The following METTL25 variants were observed in gnomAD, a reference collection of about 807,000 sequenced individuals.
The protein encoded by METTL25 is methyltransferase like 25.
METTL25 carries 64 observed loss-of-function variants against 71.6 expected under a neutral mutation model. The observed-to-expected ratio is 0.89, with a 90% CI of 0.73 to 1.10. The LOEUF (loss-of-function observed/expected upper bound fraction) is 1.10, where lower values mean the gene tolerates loss of function less well. Among genes scored for constraint, METTL25 ranks in the 50% least tolerant of loss-of-function variants. The probability of loss-of-function intolerance (pLI) is 0.00; values close to 1 mark genes in which losing one functional copy is unlikely to be tolerated. For synonymous variants in METTL25, 287 were observed against 250.3 expected (o/e 1.15, Z -1.38); for missense variants, 807 against 707.0 (o/e 1.14, Z -1.60).
chr12:82,388,274 C>A (rs1434507295), intron 2 of METTL25, among the ~76,000 whole-genome samples: 3 of 151,886 alleles, frequency 2.0e-5, no homozygotes, highest in Non-Finnish European at 2.9e-5. Context: ...TGTAAAAGGA[C>A]CCTTTTATCT....
intron 8 of METTL25, among the ~76,000 whole-genome samples, chr12:82,446,806 G>C (rs1250756405): frequency 1.3e-5 from 2 of 151,216 alleles, no homozygotes; most frequent in African/African-American, 4.9e-5. Context: ...TAGTAGAGAC[G>C]GGGTTTCACT....
At chr12:82,395,847 T>G (rs1014699024) in intron 3 of METTL25, among the ~76,000 whole-genome samples, 2 of 152,052 alleles carry the variant, frequency 1.3e-5, no homozygotes, top group Non-Finnish European at 2.9e-5. Flanking sequence ...TTTCCTATTC[T>G]GATCAGATAG....
chr12:82,427,441 T>TA (rs1250710244), intron 5 of METTL25, among the ~76,000 whole-genome samples: 2 of 151,952 alleles, frequency 1.3e-5, no homozygotes, highest in Non-Finnish European at 2.9e-5. Flanking sequence ...CTTTCCAGTG[T>TA]AGTGTATTTT....
intron 5 of METTL25, among the ~76,000 whole-genome samples, chr12:82,421,210 T>C (rs1021541289): frequency 3.3e-4 from 50 of 152,030 alleles, no homozygotes; most frequent in African/African-American, 1.2e-3. Context: ...AGAATTGAGA[T>C]TGGAATACAA....
intron 8 of METTL25, among the ~76,000 whole-genome samples, chr12:82,444,841 T>G (rs1890626647): frequency 6.6e-6 from 1 of 151,998 alleles, no homozygotes; most frequent in Admixed American, 6.6e-5. Context: ...ACTGCACCTG[T>G]AAGGACAACA....
At chr12:82,423,794 A>G (rs1888736116) in intron 5 of METTL25, among the ~76,000 whole-genome samples, 1 of 152,230 alleles carries the variant, frequency 6.6e-6, no homozygotes, top group South Asian at 2.1e-4. Context: ...AATGCTCATC[A>G]TCACTGGCCA....
chr12:82,386,598 A>T (rs1312903627), intron 1 of METTL25, among the ~76,000 whole-genome samples: 1 of 151,970 alleles, frequency 6.6e-6, no homozygotes, highest in Non-Finnish European at 1.5e-5. Context: ...TGCATAAAAT[A>T]TTAAGAGAAA....
At chr12:82,378,271 C>G (rs1884082810) in intron 1 of METTL25, among the ~76,000 whole-genome samples, 2 of 152,058 alleles carry the variant, frequency 1.3e-5, no homozygotes, top group South Asian at 4.1e-4. Context: ...GGGTATTTTA[C>G]TTGTTTATTT....
intron 3 of METTL25, among the ~76,000 whole-genome samples, chr12:82,393,747 G>C (rs1046803926): frequency 1.3e-5 from 2 of 151,918 alleles, no homozygotes; most frequent in Non-Finnish European, 2.9e-5. Flanking sequence ...TATGATGCTA[G>C]ATGTGGGTTT....
At position 82,358,870 on chromosome 12, in the gene METTL25, G is replaced by T. The variant is rs568449524; in HGVS notation, c.259+46G>T. 4.5e-6 allele frequency: 7 copies of T among 1,555,638 alleles called. No individual in the cohort carries two copies. The South Asian group carries it at 8.2e-5, about 18-fold the overall frequency. On this transcript the variant is annotated intron_variant, in intron 1 of 11. Coordinates refer to ENST00000248306, the MANE Select transcript of METTL25 (RefSeq NM_032230.3). The stretch of plus-strand genomic sequence containing the variant: ...GGCGGGAAGGGAGGCGGAGGAGAAG[G>T]TCCCGGCAGACGAAGCGAGCCCCCT...
At chr12:82,409,428 G>A (rs75497834) in intron 5 of METTL25, among the ~76,000 whole-genome samples, 4,428 of 152,066 alleles carry the variant, frequency 0.029, 80 homozygotes, top group Middle Eastern at 0.041. Context: ...TAGAAGTTTT[G>A]GAGATAACTT....
intron 5 of METTL25, among the ~76,000 whole-genome samples, chr12:82,428,933 A>G (rs1260986841): frequency 6.6e-6 from 1 of 151,890 alleles, no homozygotes; most frequent in African/African-American, 2.4e-5. Context: ...ATATTTGTAC[A>G]TATTTACAGG....
chr12:82,365,627 A>G (rs1456405450), intron 1 of METTL25, among the ~76,000 whole-genome samples: 1 of 152,234 alleles, frequency 6.6e-6, no homozygotes, highest in Non-Finnish European at 1.5e-5. Context: ...ATTGATCTTC[A>G]GAAATTAATT....
At chr12:82,437,328 G>T (rs918302894) in intron 7 of METTL25, among the ~76,000 whole-genome samples, 1 of 151,572 alleles carries the variant, frequency 6.6e-6, no homozygotes, top group Admixed American at 6.6e-5. Context: ...GTTATTTGGG[G>T]ACTGTGATAT....
At chr12:82,429,290 A>G (rs1889294121) in intron 5 of METTL25, among the ~76,000 whole-genome samples, 1 of 151,618 alleles carries the variant, frequency 6.6e-6, no homozygotes. Flanking sequence ...TATGAGTGAG[A>G]ATGTGCAATA....
chr12:82,413,606 C>T (rs1236107646), intron 5 of METTL25, among the ~76,000 whole-genome samples: 1 of 152,018 alleles, frequency 6.6e-6, no homozygotes, highest in Non-Finnish European at 1.5e-5. Context: ...TTTTGTGGAT[C>T]ATCTGTAAAT....
At chr12:82,373,973 G>C (rs1368558476) in intron 1 of METTL25, 1 of 153,376 alleles carries the variant, frequency 6.5e-6, no homozygotes, top group African/African-American at 2.4e-5. Context: ...TCACTGCTTG[G>C]TGATAGTCCC....
chr12:82,387,645 T>C (rs1453030375), intron 2 of METTL25, among the ~76,000 whole-genome samples: 1 of 151,952 alleles, frequency 6.6e-6, no homozygotes, highest in Admixed American at 6.6e-5. Context: ...CCCTGTATAC[T>C]TTTCACCTAG....
At chr12:82,424,032 C>G (rs1452825009) in intron 5 of METTL25, among the ~76,000 whole-genome samples, 4 of 152,188 alleles carry the variant, frequency 2.6e-5, no homozygotes, top group Non-Finnish European at 4.4e-5. Context: ...CATCCCATTA[C>G]TGGGTATATA....
Sources: allele counts gnomAD v4.1 joint callset (sites outside exome capture counted in the v4.1 genomes callset), GRCh38; gene constraint gnomAD v4.1.1; transcripts MANE v1.5; gene names NCBI Gene and HGNC (gene_info 2026-07-23, HGNC 2026-07-21).